Variants in SHCBP1L observed in about 807,000 individuals in gnomAD.
SHCBP1L encodes SHC binding and spindle associated 1 like, also known as testicular spindle-associated protein SHCBP1L.
In SHCBP1L, 67 loss-of-function variants were observed where a neutral mutation model predicts 62.5. The ratio of observed to expected loss-of-function variants is 1.07; its 90% CI spans 0.88 to 1.31. The LOEUF (loss-of-function observed/expected upper bound fraction) is 1.31. Ranked by LOEUF, SHCBP1L falls within the 40% of genes most tolerant of loss-of-function variation. The pLI, the probability that SHCBP1L is intolerant of heterozygous loss-of-function variation, is 0.00. For missense variants in SHCBP1L, 823 were observed against 809.8 expected, an observed-to-expected ratio of 1.02 and a Z score of -0.20; for synonymous variants, 284 against 289.4, an observed-to-expected ratio of 0.98 and a Z score of 0.19.
chr1:182,933,344 T>C (rs1235086458), intron 5 of SHCBP1L, among the ~76,000 whole-genome samples: 1 of 152,216 alleles, frequency 6.6e-6, no homozygotes, highest in Non-Finnish European at 1.5e-5. Flanking sequence ...CTTGCCTAAT[T>C]GCTCTGGCTA....
intron 2 of SHCBP1L, among the ~76,000 whole-genome samples, chr1:182,950,244 G>A (rs1315675921): frequency 6.6e-6 from 1 of 152,104 alleles, no homozygotes; most frequent in Non-Finnish European, 1.5e-5. Context: ...TATCATTTGT[G>A]GTTATAAATA....
intron 6 of SHCBP1L, among the ~76,000 whole-genome samples, chr1:182,914,366 T>G (rs1650286646): frequency 6.6e-6 from 1 of 152,154 alleles, no homozygotes; most frequent in Non-Finnish European, 1.5e-5. Flanking sequence ...AAGGCAGTAT[T>G]ACTGTATTTT....
In SHCBP1L at chr1:182,932,468, A is replaced by ATTATTTAC. The variant is rs774122504; in HGVS notation, c.1077-2717_1077-2716insGTAAATAA. 4.5e-3 allele frequency among the ~76,000 whole-genome samples: 679 copies of ATTATTTAC among 151,146 alleles called. 8 individuals are homozygous for ATTATTTAC. Among genetic ancestry groups the ATTATTTAC allele is most frequent in the African/African-American group, 0.016 (653 of 41,032 alleles). On this transcript the variant is annotated intron_variant, in intron 5 of 9. Coordinates refer to ENST00000367547, the MANE Select transcript of SHCBP1L (RefSeq NM_030933.4). ...TTCTAGGAATTTTTTATGGAATTTT[A>ATTATTTAC]TTATTTATTTATTTATTTATTTATT...
At chr1:182,907,162 G>A (rs758076094) in intron 6 of SHCBP1L, among the ~76,000 whole-genome samples, 28 of 152,026 alleles carry the variant, frequency 1.8e-4, no homozygotes, top group Non-Finnish European at 3.7e-4. Context: ...GCCGGGCACA[G>A]TGACTCACAC....
intron 6 of SHCBP1L, among the ~76,000 whole-genome samples, chr1:182,924,775 A>AG (rs1440731752): frequency 7.2e-5 from 8 of 110,886 alleles, no homozygotes; most frequent in South Asian, 3.3e-4. Context: ...AAAGAAAGAA[A>AG]GAAAGAAAGA....
intron 2 of SHCBP1L, among the ~76,000 whole-genome samples, chr1:182,946,813 T>C (rs950062304): frequency 6.6e-6 from 1 of 152,214 alleles, no homozygotes; most frequent in Non-Finnish European, 1.5e-5. Context: ...TTTGATAATT[T>C]CTATTTTTCT....
At chr1:182,924,297 A>T (rs975678284) in intron 6 of SHCBP1L, among the ~76,000 whole-genome samples, 1 of 137,424 alleles carries the variant, frequency 7.3e-6, no homozygotes, top group Non-Finnish European at 1.6e-5. Context: ...AGAAGAATCA[A>T]TTTTTTTTTT....
At chr1:182,940,195 T>G in intron 3 of SHCBP1L, 134 bp downstream of exon 3, 1 of 620,290 alleles carries the variant, frequency 1.6e-6, no homozygotes, top group Admixed American at 3.5e-5. Context: ...TAATTTAAAA[T>G]GGACAAATTT....
intron 6 of SHCBP1L, among the ~76,000 whole-genome samples, chr1:182,920,774 G>A (rs888409557): frequency 3.3e-5 from 5 of 152,118 alleles, no homozygotes; most frequent in Admixed American, 3.3e-4. Flanking sequence ...ATTAATAGCA[G>A]AATAGACCAG....
intron 2 of SHCBP1L, among the ~76,000 whole-genome samples, chr1:182,950,312 A>G (rs1244329580): frequency 6.6e-6 from 1 of 152,180 alleles, no homozygotes; most frequent in African/African-American, 2.4e-5. Context: ...CACAATGTTT[A>G]GCCTACAGGC....
intron 6 of SHCBP1L, among the ~76,000 whole-genome samples, chr1:182,909,727 G>C (rs988590353): frequency 2.0e-5 from 3 of 152,188 alleles, no homozygotes; most frequent in Non-Finnish European, 2.9e-5. Flanking sequence ...TACATGCCAA[G>C]TGTCTGTGGA....
At chr1:182,951,898 T>C (rs1651755261) in intron 1 of SHCBP1L, 2 of 360,792 alleles carry the variant, frequency 5.5e-6, no homozygotes, top group Non-Finnish European at 1.1e-5. Context: ...CTCATGCCTG[T>C]AATCCCAACA....
At chr1:182,924,772 GAAAGAAAGAA>G (rs1553245936) in intron 6 of SHCBP1L, among the ~76,000 whole-genome samples, 10 of 92,916 alleles carry the variant, frequency 1.1e-4, no homozygotes, top group African/African-American at 4.4e-4. Flanking sequence ...AAGAAAGAAA[GAAAGAAAGAA>G]AGAAAGAGAG....
intron 1 of SHCBP1L, 140 bp downstream of exon 1, chr1:182,952,589 T>C (rs1054246860): frequency 1.0e-6 from 1 of 979,998 alleles, no homozygotes; most frequent in African/African-American, 1.7e-5. Flanking sequence ...CTATACATGT[T>C]GACTCCATTT....
rs1389497577 is a variant in SHCBP1L at position 182,904,438 on chromosome 1, A to C, written c.1337-8T>G. The C allele has an allele frequency of 5.0e-6, 8 of 1,613,434 alleles. No individual in the cohort carries two copies. The highest frequency in any genetic ancestry group is 1.7e-5 in the Admixed American group (1 of 59,972). On this transcript the variant is annotated splice_region_variant and splice_polypyrimidine_tract_variant and intron_variant, in intron 7 of 9. Transcript: ENST00000367547. ...CCTCTCTCTTTCCAACTCCTGATTC[A>C]TAGGGATAAAAATACATTAAATCAG...
intron 5 of SHCBP1L, 90 bp from the exon 6 acceptor site, chr1:182,929,842 T>A: frequency 1.2e-6 from 1 of 804,488 alleles, no homozygotes; most frequent in Non-Finnish European, 1.9e-6. Context: ...GTACTAAGCA[T>A]CTTTGAGAAA....
Position 182,900,107 on chromosome 1 carries a change from G to A in SHCBP1L, c.1838C>T (p.Ala613Val), listed in dbSNP as rs1372109424. 6.2e-7 allele frequency: 1 copy of A among 1,612,488 alleles called. No homozygotes were observed. The highest frequency in any genetic ancestry group is 2.2e-5 in the East Asian group (1 of 44,754). Reference sequence around the variant, plus strand: ...ATCATCTTTTTTATCTCCTGAAGAAGCCCTTTTGTTGAGAGCTTCTTCTGC... The same window carrying A: ...ATCATCTTTTTTATCTCCTGAAGAAACCCTTTTGTTGAGAGCTTCTTCTGC... ...IVAEEALNKRASSGDKKDDKM... is the reference protein window; with the variant it reads ...IVAEEALNKRVSSGDKKDDKM... Residue 613 changes from alanine (A) to valine (V), a missense_variant, in exon 10 of 10, where the codon GCT (alanine) becomes GTT (valine). Physicochemically the swap from Ala to Val is moderately conservative, Grantham distance 64. Coordinates refer to ENST00000367547, the MANE Select transcript of SHCBP1L (RefSeq NM_030933.4).
At position 182,946,059 on chromosome 1, in the gene SHCBP1L, T is replaced by TAA. The variant is rs1392288364; in HGVS notation, c.555+5257_555+5258dup. Among the ~76,000 whole-genome samples, 744 of 127,880 alleles carry TAA rather than the reference T, an allele frequency of 5.8e-3. 6 individuals are homozygous for TAA. Among genetic ancestry groups the TAA allele is most frequent in the African/African-American group, 0.02 (708 of 34,918 alleles). 83.9% of individuals were successfully genotyped at this position (127,880 alleles called of 152,430 possible). On this transcript the variant is annotated intron_variant, in intron 2 of 9. Coordinates refer to ENST00000367547, the MANE Select transcript of SHCBP1L (RefSeq NM_030933.4). Reference sequence around the variant, plus strand: ...TGGGCAACAGAGCAAGACTCCGTCTTAAAAAAAAAAAAAAAAAAGGAAAGG... The same window carrying TAA: ...TGGGCAACAGAGCAAGACTCCGTCTTAAAAAAAAAAAAAAAAAAAAGGAAAGG...
At position 182,939,238 on chromosome 1, in the gene SHCBP1L, T is replaced by G; in HGVS notation, c.1014A>C (p.Lys338Asn). Residue 338 changes from lysine to asparagine, a missense_variant, in exon 5 of 10, where the codon AAA becomes AAC. Lys to Asn is a moderately conservative substitution (Grantham distance 94, BLOSUM62 0). Coordinates refer to ENST00000367547, the MANE Select transcript of SHCBP1L (RefSeq NM_030933.4). ...AGAGCATGACTATCTCATAGTATTT[T>G]TTCCAGCATTCAACAGCCTCTGCTG... ...PSAAEAVECW[K>N]KYYEIVMLCG... 6.2e-7 allele frequency: 1 copy of G among 1,614,018 alleles called. No homozygotes were observed. The highest frequency in any genetic ancestry group is 2.2e-5 in the East Asian group (1 of 44,832).
Sources: gnomAD v4.1 joint callset for allele counts (sites outside exome capture counted in the v4.1 genomes callset) on GRCh38, gnomAD v4.1.1 for gene constraint, MANE v1.5 for transcripts, NCBI Gene and HGNC (gene_info 2026-07-23, HGNC 2026-07-21) for gene names.